Variants in CYP4F12 observed in about 807,000 individuals in gnomAD.
The protein encoded by CYP4F12 is cytochrome P450 family 4 subfamily F member 12.
In CYP4F12, 60 loss-of-function variants were observed where a neutral mutation model predicts 56.5. That is an observed-to-expected ratio of 1.06 (90% CI 0.86 to 1.32). CYP4F12 has a LOEUF of 1.32. Among genes scored for constraint, CYP4F12 ranks in the 40% most tolerant of loss-of-function variants. The pLI is 0.00. For missense variants in CYP4F12, 711 were observed against 683.5 expected, an observed-to-expected ratio of 1.04 and a Z score of -0.45; for synonymous variants, 263 against 264.9, an observed-to-expected ratio of 0.99 and a Z score of 0.07.
rs369153683 is a variant in CYP4F12, at chr19:15,680,165, C to A, written c.344-79C>A. 50 of 1,519,896 alleles carry A rather than the reference C, an allele frequency of 3.3e-5. No homozygotes were observed. In the African/African-American group the frequency reaches 6.4e-4, roughly 19 times the overall value. 94.2% of individuals were successfully genotyped at this position (1,519,896 alleles called of 1,614,324 possible). A position where few individuals can be genotyped will look rare whatever the true frequency, so the allele number is the denominator to read the frequency against. On this transcript the variant is annotated intron_variant, in intron 3 of 12. Coordinates refer to ENST00000550308, the MANE Select transcript of CYP4F12 (RefSeq NM_023944.4). ...TGCTGGGCATGGAGTGGGGAAAGTG[C>A]TGGTAGGCAGCCTTGCCCTATACCT...
intron 2 of CYP4F12, among the ~76,000 whole-genome samples, chr19:15,675,131 T>G (rs1314565322): frequency 1.3e-5 from 2 of 151,602 alleles, no homozygotes; most frequent in African/African-American, 4.9e-5. Flanking sequence ...GATGTCCCAG[T>G]GAGCCCTGTA....
Position 15,685,095 on chromosome 19 carries a change from C to T in CYP4F12, c.1013C>T (p.Ser338Phe), listed in dbSNP as rs1223156988. 2 of 1,614,186 alleles carry T rather than the reference C, an allele frequency of 1.2e-6. No homozygotes were observed. Among genetic ancestry groups the T allele is most frequent in the East Asian group, 4.5e-5 (2 of 44,888 alleles). The change falls in exon 9 of 13, where the codon TCC becomes TTC. Residue 338 changes from serine (S) to phenylalanine (F), a missense_variant. Physicochemically the swap from Ser to Phe is radical, Grantham distance 155. Transcript: ENST00000550308. The stretch of plus-strand genomic sequence containing the variant: ...CATGACACCACGGCCAGTGGCCTCT[C>T]CTGGGTCCTGTACAACCTTGCGAGG... Reference protein sequence around the residue: ...GGHDTTASGLSWVLYNLARHP... With the variant: ...GGHDTTASGLFWVLYNLARHP...
chr19:15,684,853 G>C lies in CYP4F12; in HGVS notation c.956G>C (p.Arg319Thr), dbSNP rs2007518861. ...AAGGCATTGTCAGATGAGGATATAAGAGCAGAGGCTGACACCTTCATGTTT... is the reference window on the plus strand; with the variant it reads ...AAGGCATTGTCAGATGAGGATATAACAGCAGAGGCTGACACCTTCATGTTT... ...DGKALSDEDI[R>T]AEADTFMFGG... The change falls in exon 8 of 13, where the codon AGA becomes ACA. Residue 319 changes from arginine to threonine, a missense_variant. Arg to Thr is a moderately conservative substitution (Grantham distance 71, BLOSUM62 -1). Coordinates refer to ENST00000550308, the MANE Select transcript of CYP4F12 (RefSeq NM_023944.4). 3.7e-6 allele frequency: 6 copies of C among 1,608,848 alleles called. No homozygotes were observed. The highest frequency in any genetic ancestry group is 4.5e-5 in the East Asian group (2 of 44,794).
chr19:15,686,704 G>A (rs1164659286), intron 9 of CYP4F12, among the ~76,000 whole-genome samples: 1 of 152,144 alleles, frequency 6.6e-6, no homozygotes, highest in Non-Finnish European at 1.5e-5. Flanking sequence ...GCAGGGGAGG[G>A]GCAGGTCATA....
rs117651028 is a variant in CYP4F12, at chr19:15,690,472, C to T, written c.1115+5275C>T. ...TTGTACCCTTTGACCAATGTCTTTC[C>T]ATTCTTTCTTCCTCCCTTCTCTGGT... On this transcript the variant is annotated intron_variant, in intron 9 of 12. Transcript: ENST00000550308. Among the ~76,000 whole-genome samples the T allele has an allele frequency of 3.2e-4, 48 of 152,196 alleles. No homozygotes were observed. The East Asian group carries it at 9.3e-3, about 29-fold the overall frequency.
Position 15,680,224 on chromosome 19 carries a change from A to C in CYP4F12, c.344-20A>C, listed in dbSNP as rs1330018545. The C allele has an allele frequency of 6.3e-7, 1 of 1,584,244 alleles. No homozygotes were observed. The highest frequency in any genetic ancestry group is 8.6e-7 in the Non-Finnish European group (1 of 1,166,250). ...TCTCTTGCCCTCTACATGGCCCCTG[A>C]TGGTCCTCGTTCATGTCAGCTGCCA... On this transcript the variant is annotated intron_variant, in intron 3 of 12. Transcript: ENST00000550308.
chr19:15,679,274 A>C (rs1209022287), intron 3 of CYP4F12, among the ~76,000 whole-genome samples: 1 of 152,230 alleles, frequency 6.6e-6, no homozygotes, highest in Non-Finnish European at 1.5e-5. Context: ...AGGAGTGTAA[A>C]TTTCAGGGAG....
At chr19:15,690,523 A>ATGATTTC (rs139272381) in intron 9 of CYP4F12, among the ~76,000 whole-genome samples, 13,496 of 151,992 alleles carry the variant, frequency 0.089, 1,547 homozygotes, top group East Asian at 0.57. Flanking sequence ...CTTGGTTTCT[A>ATGATTTC]TGATTTCTGT....
chr19:15,684,997 C>T, intron 8 of CYP4F12, 71 bp from the exon 9 acceptor site: 1 of 1,586,078 alleles, frequency 6.3e-7, no homozygotes, highest in Non-Finnish European at 8.6e-7. Context: ...CTCCATCCTC[C>T]TGAGGGCCTC....
chr19:15,680,618 C>T (rs770504560), intron 5 of CYP4F12, 99 bp downstream of exon 5: 2 of 1,465,120 alleles, frequency 1.4e-6, no homozygotes, highest in African/African-American at 1.4e-5. Flanking sequence ...TGGCACTGGG[C>T]CATTGCTCTT....
chr19:15,696,392 G>A (rs1462304025), intron 11 of CYP4F12, 38 bp from the exon 12 acceptor site: 3 of 1,613,750 alleles, frequency 1.9e-6, no homozygotes, highest in Non-Finnish European at 8.5e-7. Context: ...CTGGACATAG[G>A]AAATCCCACT....
At chr19:15,673,399 G>A in intron 1 of CYP4F12, 130 bp from the exon 2 acceptor site, 1 of 1,012,726 alleles carries the variant, frequency 9.9e-7, no homozygotes, top group Non-Finnish European at 1.4e-6. Flanking sequence ...TCAGATCTCA[G>A]CCCTCGTTTA....
At chr19:15,679,800 T>C (rs1311703395) in intron 3 of CYP4F12, among the ~76,000 whole-genome samples, 1 of 152,232 alleles carries the variant, frequency 6.6e-6, no homozygotes, top group Non-Finnish European at 1.5e-5. Flanking sequence ...ACCTGGGACA[T>C]GTCTGGGACA....
rs145837011 is a variant in CYP4F12, at chr19:15,690,741, G to T, written c.1116-5195G>T. On this transcript the variant is annotated intron_variant, in intron 9 of 12. Transcript: ENST00000550308. ...AGTTTTGAATTACAAAAGCAATGAT[G>T]AGAACAGTTTCTTCTTGCACTCAAT... 1.9e-3 allele frequency among the ~76,000 whole-genome samples: 290 copies of T among 152,194 alleles called. 1 individual carries two copies. The highest frequency in any genetic ancestry group is 6.8e-3 in the African/African-American group (283 of 41,578).
intron 9 of CYP4F12, among the ~76,000 whole-genome samples, chr19:15,694,651 GTCT>G (rs2008036856): frequency 6.6e-6 from 1 of 151,946 alleles, no homozygotes; most frequent in South Asian, 2.1e-4. Context: ...ACAATTTGAC[GTCT>G]TCTTTTCCTA....
chr19:15,691,348 A>C (rs1395676911), intron 9 of CYP4F12, among the ~76,000 whole-genome samples: 1 of 152,262 alleles, frequency 6.6e-6, no homozygotes. Flanking sequence ...ACATCACTGC[A>C]GGACAAATTC....
chr19:15,676,936 C>G (rs1360597881), intron 2 of CYP4F12, among the ~76,000 whole-genome samples: 1 of 124,452 alleles, frequency 8.0e-6, no homozygotes, highest in South Asian at 3.0e-4. Flanking sequence ...CCTCTCCCCA[C>G]TCACTCATTC....
intron 2 of CYP4F12, among the ~76,000 whole-genome samples, chr19:15,677,060 G>C (rs1306609751): frequency 0.027 from 201 of 7,466 alleles, 4 homozygotes; most frequent in East Asian, 0.065. Context: ...CCCTCATTCA[G>C]TCATTCCTGT....
chr19:15,694,547 G>T (rs2008032265), intron 9 of CYP4F12, among the ~76,000 whole-genome samples: 1 of 152,160 alleles, frequency 6.6e-6, no homozygotes, highest in African/African-American at 2.4e-5. Context: ...TTTGTATCCT[G>T]AGACTTTGCT....
Sources: allele counts gnomAD v4.1 joint callset (sites outside exome capture counted in the v4.1 genomes callset), GRCh38; gene constraint gnomAD v4.1.1; transcripts MANE v1.5; gene names NCBI Gene and HGNC (gene_info 2026-07-23, HGNC 2026-07-21).